SLC2A13: variants seen among roughly 807,000 people sequenced by gnomAD.
SLC2A13 encodes solute carrier family 2 member 13.
Under a neutral mutation model 64.4 loss-of-function variants are expected in SLC2A13, and 32 were observed. The observed-to-expected ratio is 0.50, with a 90% confidence interval of 0.37 to 0.67. The LOEUF (loss-of-function observed/expected upper bound fraction) is 0.67. SLC2A13 is among the 30% of genes least tolerant of loss of function. SLC2A13 has a pLI of 0.00. For synonymous variants in SLC2A13, 338 were observed against 327.1 expected, an observed-to-expected ratio of 1.03 and a Z score of -0.36; for missense variants, 743 against 829.2, an observed-to-expected ratio of 0.90 and a Z score of 1.28.
chr12:39,966,169 TAG>T (rs145499576), intron 3 of SLC2A13, among the ~76,000 whole-genome samples: 3 of 150,896 alleles, frequency 2.0e-5, no homozygotes, highest in Non-Finnish European at 3.0e-5. Context: ...TATGTGTGTG[TAG>T]AGAGAGAGAG....
intron 7 of SLC2A13, 157 bp downstream of exon 7, chr12:39,829,946 G>T: frequency 2.2e-6 from 2 of 928,070 alleles, no homozygotes; most frequent in Non-Finnish European, 3.3e-6. Context: ...CAATTGCAAT[G>T]CTTTGCATCC....
At chr12:39,863,992 T>G (rs1943838346) in intron 6 of SLC2A13, among the ~76,000 whole-genome samples, 1 of 152,218 alleles carries the variant, frequency 6.6e-6, no homozygotes, top group South Asian at 2.1e-4. Flanking sequence ...TTGTTAAGGC[T>G]AGGTCTTATT....
intron 1 of SLC2A13, among the ~76,000 whole-genome samples, chr12:40,072,647 T>A (rs551907459): frequency 6.6e-6 from 1 of 152,254 alleles, no homozygotes; most frequent in South Asian, 2.1e-4. Context: ...CCCTGATAAC[T>A]TTACTTGCTC....
At chr12:40,042,971 A>C (rs980305802) in intron 2 of SLC2A13, among the ~76,000 whole-genome samples, 16 of 151,716 alleles carry the variant, frequency 1.1e-4, no homozygotes, top group African/African-American at 3.4e-4. Flanking sequence ...AAAAAAAAAA[A>C]AAAAAACTAG....
At position 39,951,243 on chromosome 12, in the gene SLC2A13, A is replaced by G; in HGVS notation, c.1034+14T>C. 1 of 1,606,360 alleles carries G rather than the reference A, an allele frequency of 6.2e-7. No homozygotes were observed. The highest frequency in any genetic ancestry group is 8.5e-7 in the Non-Finnish European group (1 of 1,175,100). On this transcript the variant is annotated intron_variant, in intron 4 of 9. Coordinates refer to ENST00000280871, the MANE Select transcript of SLC2A13 (RefSeq NM_052885.4). ...CACAATCTTTTCAGTAAAAAGCCAG[A>G]AAGAAATACATACATGATGGTGTTA...
chr12:39,993,272 T>A (rs1357599443), intron 3 of SLC2A13, among the ~76,000 whole-genome samples: 1 of 152,240 alleles, frequency 6.6e-6, no homozygotes, highest in Non-Finnish European at 1.5e-5. Flanking sequence ...ATAATTTGAC[T>A]TTGATATTTT....
In SLC2A13 at chr12:40,063,905, T is replaced by C. The variant is rs1288455049; in HGVS notation, c.557-15695A>G. 2.6e-5 allele frequency among the ~76,000 whole-genome samples: 4 copies of C among 152,162 alleles called. No homozygotes were observed. The South Asian group carries it at 6.2e-4, about 24-fold the overall frequency. On this transcript the variant is annotated intron_variant, in intron 1 of 9. Transcript: ENST00000280871. ...TCGAATTATTTTTCTCCAGTGATTT[T>C]TGTATGAGAATTCTTCAGTACCAAT... is the stretch of plus-strand genomic sequence containing the variant.
chr12:39,869,424 C>T (rs560119292), intron 5 of SLC2A13, among the ~76,000 whole-genome samples: 2 of 152,220 alleles, frequency 1.3e-5, no homozygotes, highest in South Asian at 4.1e-4. Context: ...CCAGGACTTC[C>T]ACCTCTCAAA....
intron 5 of SLC2A13, among the ~76,000 whole-genome samples, chr12:39,867,899 C>A (rs1943948666): frequency 6.6e-6 from 1 of 152,084 alleles, no homozygotes; most frequent in Non-Finnish European, 1.5e-5. Flanking sequence ...AGGGCTAAAA[C>A]CCCTATGACA....
chr12:39,826,854 A>ATTTTTTTTTTTTTTTTTTTTTTTTT (rs63699664), intron 7 of SLC2A13, among the ~76,000 whole-genome samples: 2 of 67,416 alleles, frequency 3.0e-5, no homozygotes, highest in East Asian at 6.0e-4. Context: ...GTCTCTTTCA[A>ATTTTTTTTTTTTTTTTTTTTTTTTT]TTTTTTTTTT....
At chr12:39,972,048 TATA>T (rs1164209804) in intron 3 of SLC2A13, among the ~76,000 whole-genome samples, 2 of 1,482 alleles carry the variant, frequency 1.3e-3, no homozygotes, top group Non-Finnish European at 6.7e-3. Flanking sequence ...ATAAATTATA[TATA>T]ATATATAAAA....
intron 4 of SLC2A13, among the ~76,000 whole-genome samples, chr12:39,917,390 G>C (rs963443915): frequency 1.3e-5 from 2 of 152,076 alleles, no homozygotes; most frequent in Admixed American, 1.3e-4. Context: ...AGTCTCTGTA[G>C]GTAGTTCAGT....
chr12:39,834,233 G>A (rs1315336864), intron 6 of SLC2A13, among the ~76,000 whole-genome samples: 1 of 151,896 alleles, frequency 6.6e-6, no homozygotes, highest in South Asian at 2.1e-4. Flanking sequence ...CTTGAGATAG[G>A]TCAAAAAAAG....
At chr12:39,963,690 G>C (rs1280624769) in intron 3 of SLC2A13, among the ~76,000 whole-genome samples, 1 of 152,222 alleles carries the variant, frequency 6.6e-6, no homozygotes, top group African/African-American at 2.4e-5. Context: ...AGCATTTTGA[G>C]ATGAACTATG....
Position 39,778,990 on chromosome 12 carries a change from A to C in SLC2A13, c.1446-14132T>G, listed in dbSNP as rs111924741. Among the ~76,000 whole-genome samples, 1,110 of 152,272 alleles carry C rather than the reference A, an allele frequency of 7.3e-3. 19 individuals are homozygous for C. Among genetic ancestry groups the C allele is most frequent in the African/African-American group, 0.025 (1,035 of 41,532 alleles). ...CTAATTGCAGGGAAAAGAACTAACT[A>C]GGGAGTCAGAACCAGGACGTAGGTA... On this transcript the variant is annotated intron_variant, in intron 7 of 9. Coordinates refer to ENST00000280871, the MANE Select transcript of SLC2A13 (RefSeq NM_052885.4).
At chr12:39,856,076 G>A (rs1334153020) in intron 6 of SLC2A13, among the ~76,000 whole-genome samples, 1 of 152,108 alleles carries the variant, frequency 6.6e-6, no homozygotes, top group Non-Finnish European at 1.5e-5. Flanking sequence ...ACAAAGGCTT[G>A]GATGCTTCCT....
chr12:39,801,312 T>C (rs1312661709), intron 7 of SLC2A13, among the ~76,000 whole-genome samples: 1 of 128,092 alleles, frequency 7.8e-6, no homozygotes, highest in Non-Finnish European at 1.6e-5. Context: ...ACTTGATAAA[T>C]ATTTTTGAAT....
chr12:39,921,201 A>C (rs1300186094), intron 4 of SLC2A13, among the ~76,000 whole-genome samples: 1 of 152,134 alleles, frequency 6.6e-6, no homozygotes, highest in Non-Finnish European at 1.5e-5. Flanking sequence ...CATTGTGTGC[A>C]TGATCCCTGG....
intron 4 of SLC2A13, among the ~76,000 whole-genome samples, chr12:39,886,968 C>A (rs1284055103): frequency 1.3e-5 from 2 of 152,122 alleles, no homozygotes; most frequent in Non-Finnish European, 2.9e-5. Flanking sequence ...AAAATGCAAA[C>A]TTGATTGATA....
Sources: gnomAD v4.1 joint callset for allele counts (sites outside exome capture counted in the v4.1 genomes callset) on GRCh38, gnomAD v4.1.1 for gene constraint, MANE v1.5 for transcripts, NCBI Gene and HGNC (gene_info 2026-07-23, HGNC 2026-07-21) for gene names.